The following MYT1L variants were observed in gnomAD, a reference collection of about 807,000 sequenced individuals.
MYT1L encodes myelin transcription factor 1-like protein.
Under a neutral mutation model 126.7 loss-of-function variants are expected in MYT1L, and 12 were observed. The ratio of observed to expected loss-of-function variants is 0.09; its 90% confidence interval spans 0.06 to 0.15. The LOEUF (loss-of-function observed/expected upper bound fraction) is 0.15, where lower values mean the gene tolerates loss of function less well. MYT1L is among the 10% of genes least tolerant of loss of function. The probability of loss-of-function intolerance (pLI) is 1.00; values close to 1 mark genes in which losing one functional copy is unlikely to be tolerated. For synonymous variants in MYT1L, 541 were observed against 604.2 expected (o/e 0.90, Z 1.53); for missense variants, 979 against 1,585.2 (o/e 0.62, Z 6.49).
chr2:2,010,639 A>G (rs1162579151), intron 4 of MYT1L, among the ~76,000 whole-genome samples: 2 of 152,128 alleles, frequency 1.3e-5, no homozygotes, highest in Non-Finnish European at 2.9e-5. Context: ...TCTGTCATTT[A>G]AAGACCAGGG....
At chr2:2,256,719 T>C (rs2094823115) in intron 2 of MYT1L, among the ~76,000 whole-genome samples, 1 of 152,172 alleles carries the variant, frequency 6.6e-6, no homozygotes, top group Non-Finnish European at 1.5e-5. Flanking sequence ...GCGAGAGCAC[T>C]AATTGCACTA....
chr2:2,276,626 C>T (rs150715239), intron 2 of MYT1L, among the ~76,000 whole-genome samples: 27 of 152,242 alleles, frequency 1.8e-4, no homozygotes, highest in East Asian at 1.2e-3. Context: ...TCACATGCAA[C>T]GATGGTGTTA....
At chr2:2,199,778 T>C (rs578165089) in intron 2 of MYT1L, among the ~76,000 whole-genome samples, 2 of 152,300 alleles carry the variant, frequency 1.3e-5, no homozygotes, top group African/African-American at 4.8e-5. Flanking sequence ...CAAGGGACTG[T>C]TCAACAGCAG....
At chr2:1,939,986 C>T (rs116283961) in intron 9 of MYT1L, among the ~76,000 whole-genome samples, 2 of 152,358 alleles carry the variant, frequency 1.3e-5, no homozygotes, top group African/African-American at 4.8e-5. Context: ...CTTCGGTGTC[C>T]CTCCAGAGAA....
At chr2:2,012,088 C>G (rs776792827) in intron 4 of MYT1L, among the ~76,000 whole-genome samples, 6 of 152,164 alleles carry the variant, frequency 3.9e-5, no homozygotes, top group Admixed American at 6.5e-5. Context: ...CCTAAAGAAG[C>G]ATTAAGAACA....
chr2:2,313,863 T>G (rs1182602442), intron 1 of MYT1L, among the ~76,000 whole-genome samples: 2 of 152,288 alleles, frequency 1.3e-5, no homozygotes, highest in Non-Finnish European at 2.9e-5. Context: ...GATACATACG[T>G]TTATAAATAA....
intron 3 of MYT1L, among the ~76,000 whole-genome samples, chr2:2,079,866 G>A (rs1360480199): frequency 6.6e-6 from 1 of 151,646 alleles, no homozygotes; most frequent in Non-Finnish European, 1.5e-5. Flanking sequence ...ATAGGTTTAG[G>A]AATTAGTCTT....
intron 3 of MYT1L, among the ~76,000 whole-genome samples, chr2:2,080,331 G>A (rs906060594): frequency 1.3e-5 from 2 of 152,114 alleles, no homozygotes; most frequent in Non-Finnish European, 2.9e-5. Flanking sequence ...CATAAGTTTA[G>A]CTTAATCAAA....
chr2:2,259,815 T>C (rs1317898669), intron 2 of MYT1L, among the ~76,000 whole-genome samples: 1 of 152,136 alleles, frequency 6.6e-6, no homozygotes, highest in Non-Finnish European at 1.5e-5. Flanking sequence ...GCTGGCCAGG[T>C]GTGCTAGGTC....
chr2:2,233,586 G>A (rs1382518102), intron 2 of MYT1L, among the ~76,000 whole-genome samples: 1 of 152,188 alleles, frequency 6.6e-6, no homozygotes. Context: ...AGAGGAAGTG[G>A]CCATCCAGTG....
intron 23 of MYT1L, among the ~76,000 whole-genome samples, chr2:1,799,351 C>T (rs894973258): frequency 2.6e-5 from 4 of 152,150 alleles, no homozygotes; most frequent in African/African-American, 9.7e-5. Flanking sequence ...TCTAAGCAGC[C>T]TGCGTAGGCA....
intron 2 of MYT1L, among the ~76,000 whole-genome samples, chr2:2,215,875 A>G (rs1377414662): frequency 6.6e-6 from 1 of 152,088 alleles, no homozygotes; most frequent in Non-Finnish European, 1.5e-5. Flanking sequence ...CCAGTGTTGG[A>G]GGTGGAACCT....
rs747064809 is a variant in MYT1L, at chr2:1,943,019, C to T, written c.468G>A (p.Glu156=). Residue 156 remains glutamate, a synonymous_variant, in exon 9 of 25, where the codon GAG becomes GAA. Transcript: ENST00000647738. This position sits in a 1 kb window ranked among gnomAD's most constrained non-coding sequence, Gnocchi z 4.4. The part of the protein sequence containing the change: ...GEDVEDEEEE[E]EEEEEEEEEE... ...CCTCTTCCTCCTCCTCCTCCTCCTC[C>T]TCTTCCTCTTCTTCATCCTCCACAT... 14 of 1,482,594 alleles carry T rather than the reference C, an allele frequency of 9.4e-6. No homozygotes were observed. The highest frequency in any genetic ancestry group is 2.0e-5 in the Admixed American group (1 of 50,578). The allele number at this position is 1,482,594 out of a possible 1,614,324, so 91.8% of individuals were successfully genotyped here. A position where few individuals can be genotyped will look rare whatever the true frequency, so the allele number is the denominator to read the frequency against.
intron 3 of MYT1L, among the ~76,000 whole-genome samples, chr2:2,153,884 AC>A (rs1477014485): frequency 6.6e-6 from 1 of 151,842 alleles, no homozygotes; most frequent in Non-Finnish European, 1.5e-5. Flanking sequence ...ACACGGAGGA[AC>A]CCCCGGGTGC....
chr2:2,120,218 G>A (rs1262041428), intron 3 of MYT1L, among the ~76,000 whole-genome samples: 1 of 152,096 alleles, frequency 6.6e-6, no homozygotes, highest in Admixed American at 6.5e-5. Context: ...GTTCCTTTGC[G>A]TCTACATTCA....
chr2:1,948,346 T>C (rs1171967812), intron 8 of MYT1L, among the ~76,000 whole-genome samples: 1 of 152,170 alleles, frequency 6.6e-6, no homozygotes, highest in African/African-American at 2.4e-5. Flanking sequence ...TACAAACAAG[T>C]ACCCTCTGTC....
At chr2:2,194,971 G>A (rs1267404639) in intron 2 of MYT1L, among the ~76,000 whole-genome samples, 1 of 152,230 alleles carries the variant, frequency 6.6e-6, no homozygotes, top group African/African-American at 2.4e-5. Context: ...TTGTGGATTA[G>A]AGAAAGAAGT....
chr2:2,245,989 CA>C (rs1283714712), intron 2 of MYT1L, among the ~76,000 whole-genome samples: 2 of 152,174 alleles, frequency 1.3e-5, no homozygotes, highest in Non-Finnish European at 2.9e-5. Flanking sequence ...TTGATTTTAG[CA>C]CAGTGAGACC....
chr2:1,856,852 A>G (rs970282042), intron 18 of MYT1L, among the ~76,000 whole-genome samples: 1 of 152,254 alleles, frequency 6.6e-6, no homozygotes, highest in Non-Finnish European at 1.5e-5. Context: ...CAATGCTGTT[A>G]GAAAACAAGG....
Sources: allele counts gnomAD v4.1 joint callset (sites outside exome capture counted in the v4.1 genomes callset), GRCh38; gene constraint gnomAD v4.1.1; non-coding constraint Gnocchi (gnomAD v3.1); transcripts MANE v1.5; gene names NCBI Gene and HGNC (gene_info 2026-07-23, HGNC 2026-07-21).